Variants in MOG observed in about 807,000 individuals in gnomAD.
MOG encodes myelin oligodendrocyte glycoprotein, also known as myelin-oligodendrocyte glycoprotein.
In MOG, 20 loss-of-function variants were observed where a neutral mutation model predicts 35.9. The ratio of observed to expected loss-of-function variants is 0.56; its 90% CI spans 0.39 to 0.81. The LOEUF (loss-of-function observed/expected upper bound fraction) is 0.81. Among genes scored for constraint, MOG ranks in the 30% least tolerant of loss-of-function variants. The probability of loss-of-function intolerance (pLI) is 0.00; values close to 1 mark genes in which losing one functional copy is unlikely to be tolerated. For missense variants in MOG, 251 were observed against 301.0 expected (o/e 0.83, Z 1.23); for synonymous variants, 92 against 114.3 (o/e 0.80, Z 1.25).
rs1347045755 is a variant in MOG at position 29,670,318 on chromosome 6, C to T, written c.630C>T (p.Thr210=). 1 of 1,613,978 alleles carries T rather than the reference C, an allele frequency of 6.2e-7. No homozygotes were observed. Among genetic ancestry groups the T allele is most frequent in the Non-Finnish European group, 8.5e-7 (1 of 1,180,034 alleles). ...TGAGGGTGCCCTGCTGGAAGATAAC[C>T]CTGTTTGTAATTGTGCCGGTTCTTG... The part of the protein sequence containing the change: ...HFLRVPCWKI[T]LFVIVPVLGP... Residue 210 remains threonine, a synonymous_variant, in exon 6 of 8, where the codon ACC becomes ACT. Transcript: ENST00000376917. This position sits in a 1 kb window ranked among gnomAD's most constrained non-coding sequence, Gnocchi z 4.2.
At chr6:29,661,980 A>G in intron 2 of MOG, 3 of 985,396 alleles carry the variant, frequency 3.0e-6, no homozygotes, top group Non-Finnish European at 3.6e-6. Context: ...TAAATAAGGG[A>G]CGCTTTGTCT....
intron 3 of MOG, 30 bp from the exon 4 acceptor site, chr6:29,667,613 G>C: frequency 6.2e-7 from 1 of 1,613,886 alleles, no homozygotes; most frequent in Non-Finnish European, 8.5e-7. Flanking sequence ...GAACATGCAG[G>C]AACTAAAATG....
rs1359193146 is a variant in MOG at position 29,662,755 on chromosome 6, G to A, written c.436+3089G>A. On this transcript the variant is annotated intron_variant, in intron 2 of 7. Coordinates refer to ENST00000376917, the MANE Select transcript of MOG (RefSeq NM_206809.4). This position sits in a 1 kb window ranked among gnomAD's most constrained non-coding sequence, Gnocchi z 4.2. ...CTGCTCACTGCAGCCTCTGCCTCCC[G>A]GGCAGAAGCCATCCTCCCACCTCAG... 2.6e-5 allele frequency among the ~76,000 whole-genome samples: 4 copies of A among 151,952 alleles called. No homozygotes were observed. The highest frequency in any genetic ancestry group is 2.1e-4 in the South Asian group (1 of 4,824).
Position 29,670,199 on chromosome 6 carries a change from G to T in MOG, c.593-82G>T. 1 of 1,614,164 alleles carries T rather than the reference G, an allele frequency of 6.2e-7. No individual in the cohort carries two copies. Among genetic ancestry groups the T allele is most frequent in the Non-Finnish European group, 8.5e-7 (1 of 1,180,008 alleles). ...AGTCCTTTGGTGTTCTAGGACCCCA[G>T]GTTAAGGAACCAAAAAAGACAGGTG... On this transcript the variant is annotated intron_variant, in intron 5 of 7. Transcript: ENST00000376917. This position sits in a 1 kb window ranked among gnomAD's most constrained non-coding sequence, Gnocchi z 4.2.
intron 2 of MOG, chr6:29,661,638 T>C (rs1768769651): frequency 3.6e-6 from 3 of 834,866 alleles, no homozygotes; most frequent in Non-Finnish European, 4.3e-6. Flanking sequence ...CTGACCAACA[T>C]GGAGAAACCC....
At chr6:29,668,718 T>A (rs552405506) in intron 5 of MOG, among the ~76,000 whole-genome samples, 1 of 152,284 alleles carries the variant, frequency 6.6e-6, no homozygotes, top group Admixed American at 6.5e-5. Flanking sequence ...GAATAGTATC[T>A]TTGTTTTGGA....
intron 4 of MOG, 27 bp downstream of exon 4, chr6:29,667,690 A>T: frequency 6.2e-7 from 1 of 1,613,812 alleles, no homozygotes; most frequent in Non-Finnish European, 8.5e-7. Context: ...GTTTCTCCCA[A>T]TTCTTGCCTT....
chr6:29,670,412 C>T lies in MOG; in HGVS notation c.709+15C>T. On this transcript the variant is annotated intron_variant, in intron 6 of 7. Coordinates refer to ENST00000376917, the MANE Select transcript of MOG (RefSeq NM_206809.4). This position sits in a 1 kb window ranked among gnomAD's most constrained non-coding sequence, Gnocchi z 4.2. Reference sequence around the variant, plus strand: ...AAGACTAGCAGGTGCAGTGGCTGGGCAGCAGGCAAGACCACCAAATAGTGG... The same window carrying T: ...AAGACTAGCAGGTGCAGTGGCTGGGTAGCAGGCAAGACCACCAAATAGTGG... 1 of 1,612,018 alleles carries T rather than the reference C, an allele frequency of 6.2e-7. No homozygotes were observed.
intron 5 of MOG, among the ~76,000 whole-genome samples, chr6:29,668,703 A>G (rs532307296): frequency 6.6e-6 from 1 of 152,268 alleles, no homozygotes. Context: ...ACACCCAAAG[A>G]GGAGGAATAG....
chr6:29,661,546 T>C, intron 2 of MOG: 1 of 985,192 alleles, frequency 1.0e-6, no homozygotes, highest in Non-Finnish European at 1.2e-6. Context: ...ACAAGCCGGT[T>C]GCGGTGGCTC....
chr6:29,667,053 T>C (rs188258830), intron 3 of MOG, among the ~76,000 whole-genome samples: 83 of 152,340 alleles, frequency 5.4e-4, no homozygotes, highest in Admixed American at 1.2e-3. Flanking sequence ...TCAGCCCTCA[T>C]GGCTGAGCAG....
chr6:29,661,106 C>G (rs2535260), intron 2 of MOG, among the ~76,000 whole-genome samples: 34,356 of 152,116 alleles, frequency 0.23, 4,306 homozygotes, highest in African/African-American at 0.31. Context: ...AAGGTGAAGC[C>G]GATGGAGGGG....
At chr6:29,667,548 T>C in intron 3 of MOG, 95 bp from the exon 4 acceptor site, 2 of 1,257,796 alleles carry the variant, frequency 1.6e-6, no homozygotes, top group Non-Finnish European at 2.3e-6. Context: ...TGCAGAGAAA[T>C]AGCCTGCACA....
chr6:29,667,204 T>G (rs1004697157), intron 3 of MOG, among the ~76,000 whole-genome samples: 6 of 152,116 alleles, frequency 3.9e-5, no homozygotes, highest in African/African-American at 1.4e-4. Flanking sequence ...TCCTAAATTG[T>G]AGGGAGGATT....
chr6:29,666,337 AACAT>A, intron 3 of MOG, 72 bp downstream of exon 3: 1 of 881,378 alleles, frequency 1.1e-6, no homozygotes, highest in South Asian at 1.3e-5. Context: ...TACACCACTT[AACAT>A]GTATTTGTGA....
chr6:29,661,908 T>C (rs1377914389), intron 2 of MOG: 1 of 984,832 alleles, frequency 1.0e-6, no homozygotes, highest in African/African-American at 1.8e-5. Context: ...TGGGTTGCTA[T>C]CCACATTCCA....
In MOG at chr6:29,671,334, A is replaced by G; in HGVS notation, c.*149A>G. The G allele has an allele frequency of 6.2e-7, 1 of 1,611,836 alleles. No homozygotes were observed. The highest frequency in any genetic ancestry group is 8.5e-7 in the Non-Finnish European group (1 of 1,179,808). Reference sequence around the variant, plus strand: ...CACTTTCAGGAACACTCTGAATTCCAAGTAGAATTGATTTCCCTTCTTCTG... The same window carrying G: ...CACTTTCAGGAACACTCTGAATTCCGAGTAGAATTGATTTCCCTTCTTCTG... On this transcript the variant is annotated 3_prime_UTR_variant, in exon 8 of 8. Transcript: ENST00000376917.
Position 29,662,417 on chromosome 6 carries a change from A to G in MOG, c.436+2751A>G, listed in dbSNP as rs1347910495. ...GAGAATCGCTTGAACCGGGAGGCAGAGGTTGCGGTGAGCCAAGATCGCGCC... is the reference window on the plus strand; with the variant it reads ...GAGAATCGCTTGAACCGGGAGGCAGGGGTTGCGGTGAGCCAAGATCGCGCC... On this transcript the variant is annotated intron_variant, in intron 2 of 7. Transcript: ENST00000376917. This position sits in a 1 kb window ranked among gnomAD's most constrained non-coding sequence, Gnocchi z 4.2. 1.3e-5 allele frequency among the ~76,000 whole-genome samples: 2 copies of G among 151,410 alleles called. No homozygotes were observed. Among genetic ancestry groups the G allele is most frequent in the African/African-American group, 2.4e-5 (1 of 41,186 alleles).
Position 29,670,294 on chromosome 6 carries a change from G to A in MOG, c.606G>A (p.Leu202=). 6.2e-7 allele frequency: 1 copy of A among 1,614,176 alleles called. No individual in the cohort carries two copies. The highest frequency in any genetic ancestry group is 8.5e-7 in the Non-Finnish European group (1 of 1,180,032). ...NLHRTFDPHF[L]RVPCWKITLF... ...TGAACAATTCAGATCCCCACTTTCT[G>A]AGGGTGCCCTGCTGGAAGATAACCC... is the stretch of plus-strand genomic sequence containing the variant. The change falls in exon 6 of 8, where the codon CTG becomes CTA. Residue 202 remains leucine, a synonymous_variant. Transcript: ENST00000376917. The surrounding 1 kb of genome is among the most constrained non-coding windows in gnomAD (Gnocchi z 4.2).
Sources: gnomAD v4.1 joint callset for allele counts (sites outside exome capture counted in the v4.1 genomes callset) on GRCh38, gnomAD v4.1.1 for gene constraint, Gnocchi (gnomAD v3.1) non-coding constraint, MANE v1.5 for transcripts, NCBI Gene and HGNC (gene_info 2026-07-23, HGNC 2026-07-21) for gene names.